OTUD7A: variants seen among roughly 807,000 people sequenced by gnomAD.
OTUD7A encodes OTU domain-containing protein 7A.
Under a neutral mutation model 65.7 loss-of-function variants are expected in OTUD7A, and 12 were observed. The observed-to-expected ratio is 0.18, with a 90% CI of 0.12 to 0.30. The LOEUF is 0.30. Among genes scored for constraint, OTUD7A ranks in the 10% least tolerant of loss-of-function variants. The pLI, the probability that OTUD7A is intolerant of heterozygous loss-of-function variation, is 1.00. For synonymous variants in OTUD7A, 641 were observed against 586.3 expected (o/e 1.09, Z -1.35); for missense variants, 1,148 against 1,304.8 (o/e 0.88, Z 1.85).
At chr15:31,586,421 C>T (rs560609773) in intron 3 of OTUD7A, among the ~76,000 whole-genome samples, 1 of 152,286 alleles carries the variant, frequency 6.6e-6, no homozygotes, top group East Asian at 1.9e-4. Flanking sequence ...TGCACAGCAG[C>T]CCCCCAGGGC....
intron 3 of OTUD7A, among the ~76,000 whole-genome samples, chr15:31,619,005 T>A (rs2141233116): frequency 6.6e-6 from 1 of 152,362 alleles, no homozygotes; most frequent in Non-Finnish European, 1.5e-5. Flanking sequence ...CTAGCCAGTT[T>A]TCCCAGCACC....
At chr15:31,778,826 C>A (rs1157867874) in intron 1 of OTUD7A, among the ~76,000 whole-genome samples, 1 of 152,152 alleles carries the variant, frequency 6.6e-6, no homozygotes, top group African/African-American at 2.4e-5. Flanking sequence ...TTTCCCCGCT[C>A]CCAGCCCCAT....
chr15:31,742,409 A>C (rs1045968991), intron 1 of OTUD7A, among the ~76,000 whole-genome samples: 4 of 152,142 alleles, frequency 2.6e-5, no homozygotes, highest in African/African-American at 9.6e-5. Context: ...AAATTGTGTT[A>C]CAACACATGC....
Position 31,762,634 on chromosome 15 carries a change from G to A in OTUD7A, c.-99-105557C>T, listed in dbSNP as rs577597467. Reference sequence around the variant, plus strand: ...TCCCAGGCTTGCCACTGAGTGGTGCGTAAGCTATAGAAGGATCCAAATAGC... The same window carrying A: ...TCCCAGGCTTGCCACTGAGTGGTGCATAAGCTATAGAAGGATCCAAATAGC... On this transcript the variant is annotated intron_variant, in intron 1 of 12. Transcript: ENST00000307050. Among the ~76,000 whole-genome samples, 8 of 152,320 alleles carry A rather than the reference G, an allele frequency of 5.3e-5. No individual in the cohort carries two copies. In the East Asian group the frequency reaches 1.5e-3, roughly 29 times the overall value.
At chr15:31,722,650 G>T (rs1469615277) in intron 1 of OTUD7A, among the ~76,000 whole-genome samples, 1 of 152,246 alleles carries the variant, frequency 6.6e-6, no homozygotes, top group East Asian at 1.9e-4. Flanking sequence ...GGCCCAGGGA[G>T]TGACCAGAGC....
chr15:31,753,704 A>ATATATATATATATTATATATATATAT (rs1399692661), intron 1 of OTUD7A, among the ~76,000 whole-genome samples: 1 of 15,316 alleles, frequency 6.5e-5, no homozygotes, highest in East Asian at 9.4e-4. Flanking sequence ...TATATATATT[A>ATATATATATATATTATATATATATAT]TATATATATA....
intron 1 of OTUD7A, among the ~76,000 whole-genome samples, chr15:31,804,194 A>G (rs1207323052): frequency 2.6e-5 from 4 of 152,220 alleles, no homozygotes; most frequent in African/African-American, 4.8e-5. Flanking sequence ...TTGCACAAAC[A>G]TAATTTCAAG....
chr15:31,498,179 G>C lies in OTUD7A; in HGVS notation c.1171+3511C>G, dbSNP rs117679786. ...GTAGAGCCTCCTGGGGTATTTGAGGGTATGCTCAGCACACCTGTGTCCCCT... is the reference window on the plus strand; with the variant it reads ...GTAGAGCCTCCTGGGGTATTTGAGGCTATGCTCAGCACACCTGTGTCCCCT... On this transcript the variant is annotated intron_variant, in intron 10 of 12. Coordinates refer to ENST00000307050, the MANE Select transcript of OTUD7A (RefSeq NM_001382637.1). This position sits in a 1 kb window ranked among gnomAD's most constrained non-coding sequence, Gnocchi z 4.2. Among the ~76,000 whole-genome samples the C allele has an allele frequency of 1.1e-3, 172 of 152,312 alleles. No homozygotes were observed. In the East Asian group the frequency reaches 0.023, roughly 21 times the overall value.
At chr15:31,647,600 T>C (rs1019340714) in intron 3 of OTUD7A, among the ~76,000 whole-genome samples, 2 of 152,162 alleles carry the variant, frequency 1.3e-5, no homozygotes, top group African/African-American at 4.8e-5. Context: ...TTTAAAACTG[T>C]ACACACTCAT....
intron 3 of OTUD7A, among the ~76,000 whole-genome samples, chr15:31,619,449 T>C (rs568321639): frequency 7.9e-5 from 12 of 152,322 alleles, no homozygotes; most frequent in East Asian, 3.9e-4. Context: ...TTTTATTTCA[T>C]TGAGTGGTTT....
chr15:31,672,846 T>C (rs1966042), intron 1 of OTUD7A, among the ~76,000 whole-genome samples: 51,575 of 152,074 alleles, frequency 0.34, 11,513 homozygotes, highest in African/African-American at 0.64. Flanking sequence ...AAAGTCTCTT[T>C]TAAAATTTAC....
At chr15:31,590,614 T>C (rs562684071) in intron 3 of OTUD7A, among the ~76,000 whole-genome samples, 3 of 152,336 alleles carry the variant, frequency 2.0e-5, no homozygotes, top group Admixed American at 6.5e-5. Context: ...TAAAAGAATA[T>C]GTACTTACAG....
intron 3 of OTUD7A, among the ~76,000 whole-genome samples, chr15:31,602,303 C>T (rs9744831): frequency 0.18 from 27,056 of 152,090 alleles, 2,632 homozygotes; most frequent in East Asian, 0.25. Context: ...GTTCAACATA[C>T]GCAAATCAAG....
intron 1 of OTUD7A, among the ~76,000 whole-genome samples, chr15:31,778,728 T>C (rs895540785): frequency 1.3e-5 from 2 of 151,634 alleles, no homozygotes; most frequent in African/African-American, 4.9e-5. Context: ...AAGATGTGTG[T>C]GTCTCTCTCT....
rs879561188 is a variant in OTUD7A, at chr15:31,753,721, T to TATATATATATATTATATATATATATATTA, written c.-99-96645_-99-96644insTAATATATATATATATAATATATATATAT. On this transcript the variant is annotated intron_variant, in intron 1 of 12. Coordinates refer to ENST00000307050, the MANE Select transcript of OTUD7A (RefSeq NM_001382637.1). ...TATATATTATATATATATATATATA[T>TATATATATATATTATATATATATATATTA]TATATATATATATATATATCTCACA... Among the ~76,000 whole-genome samples the TATATATATATATTATATATATATATATTA allele has an allele frequency of 9.8e-4, 105 of 106,736 alleles. 1 individual carries two copies. Among genetic ancestry groups the TATATATATATATTATATATATATATATTA allele is most frequent in the Non-Finnish European group, 1.5e-3 (87 of 56,918 alleles). The allele number at this position is 106,736 out of a possible 152,430, so 70.0% of individuals were successfully genotyped here.
At chr15:31,766,312 T>G (rs933580156) in intron 1 of OTUD7A, 3 of 1,606,150 alleles carry the variant, frequency 1.9e-6, no homozygotes, top group Non-Finnish European at 2.6e-6. Context: ...ATTCGGGAAA[T>G]CATACGCATT....
chr15:31,816,019 T>C (rs1379880933), intron 1 of OTUD7A, among the ~76,000 whole-genome samples: 1 of 152,204 alleles, frequency 6.6e-6, no homozygotes, highest in East Asian at 1.9e-4. Context: ...TGCCCCAGTT[T>C]GGGCCACTGA....
Position 31,680,550 on chromosome 15 carries a change from A to C in OTUD7A, c.-99-23473T>G, listed in dbSNP as rs550979659. ...GGGTAGAAAACTGTCCAGAAGGAAA[A>C]CTGGCTATGGTCATGAGGGCTCTTA... is the stretch of plus-strand genomic sequence containing the variant. On this transcript the variant is annotated intron_variant, in intron 1 of 12. Coordinates refer to ENST00000307050, the MANE Select transcript of OTUD7A (RefSeq NM_001382637.1). Among the ~76,000 whole-genome samples, 49 of 152,316 alleles carry C rather than the reference A, an allele frequency of 3.2e-4. No individual in the cohort carries two copies. In the South Asian group the frequency reaches 9.9e-3, roughly 31 times the overall value.
At chr15:31,836,693 T>C (rs1248937851) in intron 1 of OTUD7A, among the ~76,000 whole-genome samples, 1 of 152,186 alleles carries the variant, frequency 6.6e-6, no homozygotes, top group African/African-American at 2.4e-5. Context: ...TTTGATATTT[T>C]TAAAAATCAA....
Sources: allele counts gnomAD v4.1 joint callset (sites outside exome capture counted in the v4.1 genomes callset), GRCh38; gene constraint gnomAD v4.1.1; non-coding constraint Gnocchi (gnomAD v3.1); transcripts MANE v1.5; gene names NCBI Gene and HGNC (gene_info 2026-07-23, HGNC 2026-07-21).